C5: variants seen among roughly 807,000 people sequenced by gnomAD.
C5 encodes complement C5.
In C5, 140 loss-of-function variants were observed where a neutral mutation model predicts 218.8. The observed-to-expected ratio is 0.64, with a 90% CI of 0.56 to 0.74. C5 has a LOEUF of 0.74. Among genes scored for constraint, C5 ranks in the 30% least tolerant of loss-of-function variants. The pLI is 0.00. For missense variants in C5, 1,700 were observed against 1,969.6 expected, an observed-to-expected ratio of 0.86 and a Z score of 2.59; for synonymous variants, 614 against 682.3, an observed-to-expected ratio of 0.90 and a Z score of 1.56.
intron 1 of C5, among the ~76,000 whole-genome samples, chr9:121,048,078 G>A (rs2047642777): frequency 6.6e-6 from 1 of 152,124 alleles, no homozygotes; most frequent in Non-Finnish European, 1.5e-5. Context: ...AATCGAACCT[G>A]AGCAGCCCGT....
chr9:120,979,172 T>C (rs1399131373), intron 28 of C5, among the ~76,000 whole-genome samples: 2 of 152,192 alleles, frequency 1.3e-5, no homozygotes, highest in African/African-American at 4.8e-5. Flanking sequence ...CTCCTTGCCA[T>C]TCTTGGAGCA....
At chr9:121,026,038 C>G (rs926365056) in intron 8 of C5, 1 of 153,370 alleles carries the variant, frequency 6.5e-6, no homozygotes, top group East Asian at 1.9e-4. Flanking sequence ...ATTAACACAA[C>G]AGTAAAATAA....
chr9:121,067,183 G>A, the C5 span, among the ~76,000 whole-genome samples: 1 of 151,666 alleles, frequency 6.6e-6, no homozygotes, highest in Non-Finnish European at 1.5e-5. Context: ...CAGGAGAATC[G>A]CTTGGTCCCA....
At chr9:121,059,840 C>G in the C5 span, among the ~76,000 whole-genome samples, 1 of 152,212 alleles carries the variant, frequency 6.6e-6, no homozygotes, top group Non-Finnish European at 1.5e-5. The surrounding 1 kb of genome is among the most constrained non-coding windows in gnomAD (Gnocchi z 4.1). Context: ...GCCTCCCGCC[C>G]AGAGCCATGT....
chr9:121,012,161 T>C (rs949701190), intron 17 of C5, among the ~76,000 whole-genome samples: 1 of 152,074 alleles, frequency 6.6e-6, no homozygotes, highest in Non-Finnish European at 1.5e-5. Flanking sequence ...AGGGGATAGA[T>C]ACCCCATTTT....
chr9:120,982,629 C>T, intron 26 of C5, 26 bp downstream of exon 26: 4 of 1,544,938 alleles, frequency 2.6e-6, no homozygotes, highest in Non-Finnish European at 3.6e-6. Context: ...AAAACTATTG[C>T]TAATTTGTGC....
In C5 at chr9:121,017,214, T is replaced by C. The variant is rs2047314914; in HGVS notation, c.1866+148A>G. 8.3e-6 allele frequency: 7 copies of C among 847,178 alleles called. No individual in the cohort carries two copies. In the Middle Eastern group the frequency reaches 8.1e-4, roughly 98 times the overall value. 52.5% of individuals were successfully genotyped at this position (847,178 alleles called of 1,614,324 possible). A position where few individuals can be genotyped will look rare whatever the true frequency, so the allele number is the denominator to read the frequency against. On this transcript the variant is annotated intron_variant, in intron 14 of 40. Transcript: ENST00000223642. ...GAGGATTGACCTGTGCTTTGGGAGC[T>C]GACAGGAGGATGGTTTACCTTCCTA...
At chr9:121,010,130 G>A (rs917826068) in intron 17 of C5, among the ~76,000 whole-genome samples, 1 of 152,184 alleles carries the variant, frequency 6.6e-6, no homozygotes, top group African/African-American at 2.4e-5. Flanking sequence ...GGAAGTCCTA[G>A]CCAGAACAAT....
At chr9:121,046,461 T>G in intron 1 of C5, 78 bp from the exon 2 acceptor site, 4 of 978,944 alleles carry the variant, frequency 4.1e-6, no homozygotes, top group Non-Finnish European at 6.5e-6. Flanking sequence ...TTTCTCTCAC[T>G]TGAGAGATTC....
the C5 span, among the ~76,000 whole-genome samples, chr9:121,066,378 A>C: frequency 6.6e-6 from 1 of 152,000 alleles, no homozygotes; most frequent in Non-Finnish European, 1.5e-5. Flanking sequence ...GAAAATTAAA[A>C]AAAAGAAAAC....
At chr9:121,006,089 C>T (rs2047213679) in intron 19 of C5, 31 bp from the exon 20 acceptor site, 1 of 1,610,756 alleles carries the variant, frequency 6.2e-7, no homozygotes, top group African/African-American at 1.3e-5. Context: ...AAAGTAGAAT[C>T]ATATTAGGAA....
At chr9:121,016,538 T>C (rs1021680602) in intron 14 of C5, among the ~76,000 whole-genome samples, 155 bp from the exon 15 acceptor site, 4 of 152,238 alleles carry the variant, frequency 2.6e-5, no homozygotes, top group African/African-American at 9.6e-5. Context: ...CCAACTTTGT[T>C]TCTAAGTTTG....
At chr9:121,014,865 T>A (rs1038981319) in intron 16 of C5, among the ~76,000 whole-genome samples, 3 of 152,124 alleles carry the variant, frequency 2.0e-5, no homozygotes, top group African/African-American at 7.2e-5. Context: ...AATAGTCAAA[T>A]CATGGATTTT....
Position 120,996,293 on chromosome 9 carries a change from C to T in C5, c.2798G>A (p.Gly933Asp), listed in dbSNP as rs41309902. The T allele has an allele frequency of 6.2e-7, 1 of 1,612,208 alleles. No individual in the cohort carries two copies. Among genetic ancestry groups the T allele is most frequent in the African/African-American group, 1.3e-5 (1 of 74,876 alleles). Residue 933 changes from glycine to aspartate, a missense_variant, in exon 22 of 41, where the codon GGT becomes GAT. By Grantham distance (94) the Gly-to-Asp change is moderately conservative. Transcript: ENST00000223642. ...ACCAGAATAGCTTTCCCTTTTGACA[C>T]CTTCTGGCTAAAATAAAGGCAGAAA... is the stretch of plus-strand genomic sequence containing the variant. ...LVKTLRVVPEGVKRESYSGVT... is the reference protein window; with the variant it reads ...LVKTLRVVPEDVKRESYSGVT...
Position 121,034,785 on chromosome 9 carries a change from A to G in C5, c.584+18T>C, listed in dbSNP as rs773328492. The G allele has an allele frequency of 1.5e-6, 2 of 1,377,742 alleles. No individual in the cohort carries two copies. Among genetic ancestry groups the G allele is most frequent in the African/African-American group, 2.8e-5 (2 of 70,450 alleles). 85.3% of individuals were successfully genotyped at this position (1,377,742 alleles called of 1,614,324 possible). Reference sequence around the variant, plus strand: ...AAAAGTTCCGTATGTGGTTTTATTAACAACTATTTTTACATACCTAGGATT... The same window carrying G: ...AAAAGTTCCGTATGTGGTTTTATTAGCAACTATTTTTACATACCTAGGATT... On this transcript the variant is annotated intron_variant, in intron 5 of 40. Transcript: ENST00000223642.
At chr9:121,011,675 C>A (rs1452606515) in intron 17 of C5, among the ~76,000 whole-genome samples, 1 of 152,144 alleles carries the variant, frequency 6.6e-6, no homozygotes, top group Non-Finnish European at 1.5e-5. Flanking sequence ...ATCTGCACGC[C>A]CATGTTTGTT....
chr9:120,993,371 C>T lies in C5; in HGVS notation c.2852-2091G>A, dbSNP rs534890163. 6.6e-5 allele frequency among the ~76,000 whole-genome samples: 10 copies of T among 152,280 alleles called. No individual in the cohort carries two copies. The South Asian group carries it at 2.1e-3, about 32-fold the overall frequency. ...GGATAAAATGGTGAGGGAACATGCT[C>T]TGAAATTCTATGTAAGAAAAATGAA... On this transcript the variant is annotated intron_variant, in intron 22 of 40. Transcript: ENST00000223642.
At chr9:121,029,166 C>T (rs1286349038) in intron 7 of C5, among the ~76,000 whole-genome samples, 1 of 152,154 alleles carries the variant, frequency 6.6e-6, no homozygotes, top group East Asian at 1.9e-4. Context: ...AATACTATAG[C>T]AAGAGCTAAC....
intron 11 of C5, among the ~76,000 whole-genome samples, chr9:121,020,868 T>A (rs142429592): frequency 1.3e-5 from 2 of 152,200 alleles, no homozygotes; most frequent in African/African-American, 4.8e-5. Context: ...ATATTCTAAC[T>A]CATCTTGCTA....
Sources: allele counts gnomAD v4.1 joint callset (sites outside exome capture counted in the v4.1 genomes callset), GRCh38; gene constraint gnomAD v4.1.1; non-coding constraint Gnocchi (gnomAD v3.1); transcripts MANE v1.5; gene names NCBI Gene and HGNC (gene_info 2026-07-23, HGNC 2026-07-21).